Variants in JAG1 observed in about 807,000 individuals in gnomAD.
JAG1 encodes protein jagged-1.
JAG1 carries 23 observed loss-of-function variants against 148.7 expected under a neutral mutation model. The ratio of observed to expected loss-of-function variants is 0.15; its 90% CI spans 0.11 to 0.22. JAG1 has a LOEUF of 0.22. Among genes scored for constraint, JAG1 ranks in the 10% least tolerant of loss-of-function variants. The pLI is 1.00. For synonymous variants in JAG1, 572 were observed against 598.3 expected (o/e 0.96, Z 0.64); for missense variants, 1,054 against 1,611.2 (o/e 0.65, Z 5.92).
In JAG1 at chr20:10,641,663, G is replaced by A. The variant is rs758741663; in HGVS notation, c.2713C>T (p.His905Tyr). The change falls in exon 23 of 26, where the codon CAC becomes TAC. Residue 905 changes from histidine to tyrosine, a missense_variant. By Grantham distance (83) the His-to-Tyr change is moderately conservative. This residue lies in a region of JAG1 where 342 missense variants were observed against 514.6 expected (regional missense o/e 0.66). Coordinates refer to ENST00000254958, the MANE Select transcript of JAG1 (RefSeq NM_000214.3). ...CTGGGGCACTCGCTGTGCCCTTTGT[G>A]GAGCAGGCAAGGTCGAGGGCCACAC... ...VWCGPRPCLL[H>Y]KGHSECPSGQ... 3 of 1,613,910 alleles carry A rather than the reference G, an allele frequency of 1.9e-6. No homozygotes were observed. Among genetic ancestry groups the A allele is most frequent in the Admixed American group, 1.7e-5 (1 of 60,028 alleles).
chr20:10,668,092 T>TAAAAAAAAAAAA (rs58852175), intron 2 of JAG1, among the ~76,000 whole-genome samples: 1 of 107,262 alleles, frequency 9.3e-6, no homozygotes, highest in African/African-American at 3.6e-5. Flanking sequence ...ACTGGCACCA[T>TAAAAAAAAAAAA]AAAAAAAAAA....
At chr20:10,643,913 T>C (rs1366951367) in intron 19 of JAG1, 50 bp from the exon 20 acceptor site, 1 of 1,387,038 alleles carries the variant, frequency 7.2e-7, no homozygotes, top group Non-Finnish European at 1.0e-6. Flanking sequence ...TCCATTACTC[T>C]GGCTGCCAAT....
At chr20:10,649,758 T>C in intron 9 of JAG1, 123 bp from the exon 10 acceptor site, 1 of 706,650 alleles carries the variant, frequency 1.4e-6, no homozygotes, top group Non-Finnish European at 2.6e-6. Flanking sequence ...GCTAGCTAAA[T>C]AAAAGATACT....
rs1431420265 is a variant in JAG1 at position 10,639,535 on chromosome 20, C to T, written c.3620G>A (p.Ser1207Asn). Residue 1207 changes from serine to asparagine, a missense_variant, in exon 26 of 26, where the codon AGT (serine) becomes AAT (asparagine). Physicochemically the swap from Ser to Asn is conservative, Grantham distance 46 (BLOSUM62 1). This residue lies in a region of JAG1 where 177 missense variants were observed against 177.3 expected (regional missense o/e 1.00). Transcript: ENST00000254958. Reference protein sequence around the residue: ...TNKQDNRDLESAQSLNRMEYI... With the variant: ...TNKQDNRDLENAQSLNRMEYI... ...CTCCATTCGGTTTAAGCTCTGGGCA[C>T]TTTCCAAGTCTCTGTTGTCCTGTTT... The T allele has an allele frequency of 6.2e-7, 1 of 1,614,090 alleles. No homozygotes were observed. The highest frequency in any genetic ancestry group is 8.5e-7 in the Non-Finnish European group (1 of 1,180,052).
At chr20:10,670,511 T>A (rs928823351) in intron 2 of JAG1, among the ~76,000 whole-genome samples, 1 of 152,190 alleles carries the variant, frequency 6.6e-6, no homozygotes, top group African/African-American at 2.4e-5. Context: ...AGTTAAATAC[T>A]CGCTCAGCTA....
At chr20:10,649,249 G>C in intron 10 of JAG1, 142 bp from the exon 11 acceptor site, 1 of 685,408 alleles carries the variant, frequency 1.5e-6, no homozygotes, top group Non-Finnish European at 2.6e-6. Context: ...TATTACGCTG[G>C]GTGGGGACCC....
At chr20:10,659,492 C>T (rs999405548) in intron 3 of JAG1, among the ~76,000 whole-genome samples, 15 of 145,732 alleles carry the variant, frequency 1.0e-4, no homozygotes, top group Non-Finnish European at 1.3e-4. Context: ...GGTTTTATGT[C>T]TTGCTCAGAA....
chr20:10,671,860 AT>A lies in JAG1; in HGVS notation c.387+840del, dbSNP rs1255922299. Among the ~76,000 whole-genome samples, 9 of 151,488 alleles carry A rather than the reference AT, an allele frequency of 5.9e-5. No individual in the cohort carries two copies. The South Asian group carries it at 1.9e-3, about 32-fold the overall frequency. ...TTTGGGGGCGGAATGGGGCGGGGGG[AT>A]GAGGGCCTATCACTTACACCCTCAG... On this transcript the variant is annotated intron_variant, in intron 2 of 25. Coordinates refer to ENST00000254958, the MANE Select transcript of JAG1 (RefSeq NM_000214.3).
chr20:10,666,322 T>G, intron 2 of JAG1, among the ~76,000 whole-genome samples: 1 of 152,122 alleles, frequency 6.6e-6, no homozygotes, highest in East Asian at 1.9e-4. Context: ...TTGACCTCTG[T>G]ACATCCCTGA....
At position 10,649,554 on chromosome 20, in the gene JAG1, A is replaced by G. The variant is rs2067332110; in HGVS notation, c.1316T>C (p.Leu439Pro). 6.2e-7 allele frequency: 1 copy of G among 1,612,720 alleles called. No homozygotes were observed. The highest frequency in any genetic ancestry group is 1.7e-5 in the Admixed American group (1 of 60,002). Residue 439 changes from leucine (L) to proline (P), a missense_variant, in exon 10 of 26, where the codon CTT becomes CCT. Transcript: ENST00000254958. ...NLIASYYCDC[L>P]PGWMGQNCDI... Reference sequence around the variant, plus strand: ...ACAATTCTGACCCATCCAGCCGGGAAGACAGTCGCAGTAGTAGCTGGCAAT... The same window carrying G: ...ACAATTCTGACCCATCCAGCCGGGAGGACAGTCGCAGTAGTAGCTGGCAAT...
intron 13 of JAG1, 108 bp downstream of exon 13, chr20:10,647,852 C>T (rs2067319784): frequency 8.4e-7 from 1 of 1,193,124 alleles, no homozygotes; most frequent in Non-Finnish European, 1.2e-6. Flanking sequence ...CTATAGAGGT[C>T]CTCCTCACCA....
chr20:10,643,644 GGA>G (rs1250986432), intron 20 of JAG1, 132 bp downstream of exon 20: 6 of 756,862 alleles, frequency 7.9e-6, no homozygotes, highest in African/African-American at 3.5e-5. Context: ...CCCAGCTGGA[GGA>G]GAGAGATCCT....
intron 11 of JAG1, 65 bp downstream of exon 11, chr20:10,648,996 G>T: frequency 7.7e-7 from 1 of 1,296,252 alleles, no homozygotes; most frequent in Non-Finnish European, 1.1e-6. Flanking sequence ...CTCTCCTAGT[G>T]TCGCACAAAT....
In JAG1 at chr20:10,645,420, G is replaced by C; in HGVS notation, c.2049C>G (p.Arg683=). The C allele has an allele frequency of 6.2e-7, 1 of 1,612,910 alleles. No individual in the cohort carries two copies. The highest frequency in any genetic ancestry group is 8.5e-7 in the Non-Finnish European group (1 of 1,179,688). Residue 683 remains arginine (R), a synonymous_variant, in exon 16 of 26, where the codon CGC becomes CGG. Transcript: ENST00000254958. This position sits in a 1 kb window ranked among gnomAD's most constrained non-coding sequence, Gnocchi z 6.1. The part of the protein sequence containing the change: ...QNPCHNGGTC[R]DLVNDFYCDC... ...CACAGTAGAAGTCATTGACCAGGTC[G>C]CGACACGTGCCCCCATTGTGGCAGG...
At chr20:10,648,836 G>A in intron 11 of JAG1, 114 bp from the exon 12 acceptor site, 1 of 1,087,610 alleles carries the variant, frequency 9.2e-7, no homozygotes, top group Non-Finnish European at 1.4e-6. Context: ...CACTGAAATA[G>A]CCAAATGCTA....
At chr20:10,640,991 C>T (rs912439601) in intron 24 of JAG1, 58 bp from the exon 25 acceptor site, 4 of 1,611,868 alleles carry the variant, frequency 2.5e-6, no homozygotes, top group African/African-American at 2.7e-5. Flanking sequence ...AGCCTTTCTT[C>T]AAAATTACTC....
chr20:10,650,518 G>T (rs1278157259), intron 8 of JAG1, 158 bp from the exon 9 acceptor site: 3 of 633,158 alleles, frequency 4.7e-6, no homozygotes, highest in Non-Finnish European at 8.5e-6. Context: ...TGACGATAAG[G>T]CCGAAGCCTT....
At chr20:10,668,415 G>A (rs142649513) in intron 2 of JAG1, among the ~76,000 whole-genome samples, 1 of 152,334 alleles carries the variant, frequency 6.6e-6, no homozygotes, top group East Asian at 1.9e-4. Context: ...AGGTGGAAGA[G>A]CAACATGCCT....
chr20:10,640,786 T>G lies in JAG1; in HGVS notation c.3196A>C (p.Thr1066Pro). The G allele has an allele frequency of 6.2e-7, 1 of 1,614,116 alleles. No homozygotes were observed. Among genetic ancestry groups the G allele is most frequent in the Non-Finnish European group, 8.5e-7 (1 of 1,179,954 alleles). Residue 1066 changes from threonine (T) to proline (P), a missense_variant, in exon 25 of 26, where the codon ACA (threonine) becomes CCA (proline). Thr to Pro is a conservative substitution (Grantham distance 38). Around this residue, in one of 6 missense-constraint regions of JAG1, gnomAD observed 342 missense variants for 514.6 expected, o/e 0.66. Coordinates refer to ENST00000254958, the MANE Select transcript of JAG1 (RefSeq NM_000214.3). ...ACTAGTCCCACTTGACACCTACCTG[T>G]TCTGTTCTTCAGAGGCCGCCTCTGA... ...RVQRRPLKNRTDFLVPLLSSV... is the reference protein window; with the variant it reads ...RVQRRPLKNRPDFLVPLLSSV...
Sources: allele counts gnomAD v4.1 joint callset (sites outside exome capture counted in the v4.1 genomes callset), GRCh38; gene constraint gnomAD v4.1.1; regional missense constraint gnomAD v4.1.1; non-coding constraint Gnocchi (gnomAD v3.1); transcripts MANE v1.5; gene names NCBI Gene and HGNC (gene_info 2026-07-23, HGNC 2026-07-21).